ARMC9: variants seen among roughly 807,000 people sequenced by gnomAD.
ARMC9 encodes the protein lisH domain-containing protein ARMC9.
In ARMC9, 94 loss-of-function variants were observed where a neutral mutation model predicts 107.0. The observed-to-expected ratio is 0.88, with a 90% CI of 0.74 to 1.04. The LOEUF (loss-of-function observed/expected upper bound fraction) is 1.04. Ranked by LOEUF, ARMC9 falls within the 50% of genes least tolerant of loss-of-function variation. ARMC9 has a pLI of 0.00. For missense variants in ARMC9, 942 were observed against 1,030.1 expected (o/e 0.91, Z 1.17); for synonymous variants, 380 against 396.9 (o/e 0.96, Z 0.51).
At chr2:231,314,534 T>A (rs948830531) in intron 19 of ARMC9, among the ~76,000 whole-genome samples, 1 of 152,236 alleles carries the variant, frequency 6.6e-6, no homozygotes, top group Non-Finnish European at 1.5e-5. Flanking sequence ...ACTATTGACA[T>A]TTTGGGCCAG....
At chr2:231,261,009 A>G (rs960457841) in intron 11 of ARMC9, among the ~76,000 whole-genome samples, 1 of 152,096 alleles carries the variant, frequency 6.6e-6, no homozygotes, top group Non-Finnish European at 1.5e-5. Context: ...TGGTCATCAC[A>G]TCTGTTGGCA....
At chr2:231,206,319 A>G (rs765258017) in intron 2 of ARMC9, 30 bp downstream of exon 2, 3 of 1,581,242 alleles carry the variant, frequency 1.9e-6, no homozygotes, top group Non-Finnish European at 1.7e-6. Flanking sequence ...CAGAGGTCAC[A>G]GAGAAACAGA....
At chr2:231,275,894 G>A (rs955310866) in intron 14 of ARMC9, among the ~76,000 whole-genome samples, 2 of 152,106 alleles carry the variant, frequency 1.3e-5, no homozygotes, top group African/African-American at 2.4e-5. Context: ...CGGAGGTTGC[G>A]GTGAGCCGAG....
chr2:231,367,875 C>T (rs1055933805), intron 23 of ARMC9, among the ~76,000 whole-genome samples: 8 of 150,642 alleles, frequency 5.3e-5, no homozygotes, highest in East Asian at 3.9e-4. Context: ...TGCAGCTACT[C>T]GGGAGGCTGA....
chr2:231,265,464 A>G (rs575540045), intron 12 of ARMC9, among the ~76,000 whole-genome samples: 2 of 152,354 alleles, frequency 1.3e-5, no homozygotes, highest in Admixed American at 6.5e-5. Flanking sequence ...ATGGAGCTGG[A>G]GGCCTTATTC....
At chr2:231,263,808 A>C (rs1199994432) in intron 12 of ARMC9, among the ~76,000 whole-genome samples, 2 of 152,178 alleles carry the variant, frequency 1.3e-5, no homozygotes, top group African/African-American at 4.8e-5. Flanking sequence ...GTTTGGATTT[A>C]TAATGGCATT....
intron 1 of ARMC9, among the ~76,000 whole-genome samples, chr2:231,203,236 A>G (rs1411261903): frequency 1.3e-5 from 2 of 152,118 alleles, no homozygotes; most frequent in East Asian, 3.9e-4. Context: ...TTATAGCCAA[A>G]ACAGAGCTCT....
intron 9 of ARMC9, among the ~76,000 whole-genome samples, chr2:231,250,288 T>G (rs906184175): frequency 6.6e-6 from 1 of 152,218 alleles, no homozygotes; most frequent in African/African-American, 2.4e-5. Flanking sequence ...TTGTGATTGT[T>G]GATGTCTTTG....
chr2:231,208,566 C>G (rs1448261396), intron 3 of ARMC9, among the ~76,000 whole-genome samples: 1 of 152,208 alleles, frequency 6.6e-6, no homozygotes, highest in Non-Finnish European at 1.5e-5. Flanking sequence ...ATTCTAGGCA[C>G]TGGGGATCCA....
chr2:231,323,323 T>C (rs189863802), intron 19 of ARMC9, among the ~76,000 whole-genome samples: 3 of 152,274 alleles, frequency 2.0e-5, no homozygotes. Context: ...TCCAGATACA[T>C]CCTCAGAGTT....
intron 1 of ARMC9, among the ~76,000 whole-genome samples, chr2:231,204,792 G>C (rs938421227): frequency 1.3e-5 from 2 of 152,066 alleles, no homozygotes; most frequent in Non-Finnish European, 2.9e-5. Flanking sequence ...AGTTCACGAG[G>C]GCAGGCGTGT....
At chr2:231,251,758 C>G (rs562097488) in intron 9 of ARMC9, among the ~76,000 whole-genome samples, 2 of 152,248 alleles carry the variant, frequency 1.3e-5, no homozygotes, top group African/African-American at 4.8e-5. Context: ...CAGGGTCTTG[C>G]TCTGTCACCA....
intron 8 of ARMC9, among the ~76,000 whole-genome samples, chr2:231,237,771 A>ATATG (rs1411883722): frequency 2.4e-5 from 1 of 41,474 alleles, no homozygotes; most frequent in African/African-American, 7.9e-5. Context: ...ATATATATAT[A>ATATG]TATATATATA....
Position 231,332,372 on chromosome 2 carries a change from G to A in ARMC9, c.1878+475G>A, listed in dbSNP as rs115478814. On this transcript the variant is annotated intron_variant, in intron 20 of 24. Coordinates refer to ENST00000611582, the MANE Select transcript of ARMC9 (RefSeq NM_001352754.2). Reference sequence around the variant, plus strand: ...AGGGGCATTCCAGCAGTCAGGAGTGGGAGAAAGGAGAGGACCCGAGAAGGC... The same window carrying A: ...AGGGGCATTCCAGCAGTCAGGAGTGAGAGAAAGGAGAGGACCCGAGAAGGC... 5.6e-3 allele frequency among the ~76,000 whole-genome samples: 849 copies of A among 152,278 alleles called. 8 individuals are homozygous for A. The highest frequency in any genetic ancestry group is 0.02 in the African/African-American group (818 of 41,566).
chr2:231,282,203 C>T, intron 17 of ARMC9, 70 bp downstream of exon 17: 1 of 1,496,604 alleles, frequency 6.7e-7, no homozygotes, highest in Non-Finnish European at 9.3e-7. Flanking sequence ...TAGAGCAAGA[C>T]CTCCTTGATT....
Position 231,370,018 on chromosome 2 carries a change from A to T in ARMC9, c.2327A>T (p.Asn776Ile), listed in dbSNP as rs1381578142. 2.6e-6 allele frequency: 4 copies of T among 1,535,532 alleles called. No individual in the cohort carries two copies. In the Admixed American group the frequency reaches 7.9e-5, roughly 30 times the overall value. Residue 776 changes from asparagine to isoleucine, a missense_variant, in exon 24 of 25, where the codon AAC becomes ATC. By Grantham distance (149) the Asn-to-Ile change is moderately radical. Coordinates refer to ENST00000611582, the MANE Select transcript of ARMC9 (RefSeq NM_001352754.2). ...TGCACTCCAGAGATGCTGGACTGGA[A>T]CCCACCCAAGGCAAAGGCGTCAGTT... ...APCTPEMLDW[N>I]PPKAKASVLA...
chr2:231,300,549 C>T (rs932952189), intron 19 of ARMC9, among the ~76,000 whole-genome samples: 1 of 152,190 alleles, frequency 6.6e-6, no homozygotes, highest in Non-Finnish European at 1.5e-5. Flanking sequence ...TCAGTCATCT[C>T]CTCTTCTTAG....
chr2:231,289,253 GC>G (rs1447395603), intron 17 of ARMC9, among the ~76,000 whole-genome samples: 1 of 152,150 alleles, frequency 6.6e-6, no homozygotes. Context: ...GACTACTTGA[GC>G]CCAGGAGTTC....
At chr2:231,252,090 C>T (rs1033049007) in intron 9 of ARMC9, among the ~76,000 whole-genome samples, 5 of 152,134 alleles carry the variant, frequency 3.3e-5, no homozygotes, top group African/African-American at 1.2e-4. Context: ...AGTTTCTTCA[C>T]AGGGCAAATA....
Sources: gnomAD v4.1 joint callset for allele counts (sites outside exome capture counted in the v4.1 genomes callset) on GRCh38, gnomAD v4.1.1 for gene constraint, MANE v1.5 for transcripts, NCBI Gene and HGNC (gene_info 2026-07-23, HGNC 2026-07-21) for gene names.